Variants in CSMD3 observed in about 807,000 individuals in gnomAD.
CSMD3 encodes the protein CUB and sushi domain-containing protein 3.
Under a neutral mutation model 435.2 loss-of-function variants are expected in CSMD3, and 177 were observed. The observed-to-expected ratio is 0.41, with a 90% CI of 0.36 to 0.46. CSMD3 has a LOEUF of 0.46. Ranked by LOEUF, CSMD3 falls within the 20% of genes least tolerant of loss-of-function variation. CSMD3 has a pLI of 0.34. For missense variants in CSMD3, 4,265 were observed against 4,504.6 expected, an observed-to-expected ratio of 0.95 and a Z score of 1.52; for synonymous variants, 1,656 against 1,520.5, an observed-to-expected ratio of 1.09 and a Z score of -2.07.
At chr8:113,341,569 T>C (rs552881401) in intron 1 of CSMD3, among the ~76,000 whole-genome samples, 5 of 152,194 alleles carry the variant, frequency 3.3e-5, no homozygotes, top group South Asian at 2.1e-4. Flanking sequence ...CATAAACAAG[T>C]AGTTTATAAA....
In CSMD3 at chr8:112,260,183, C is replaced by T. The variant is rs571125081; in HGVS notation, c.9862+3456G>A. 1.2e-4 allele frequency among the ~76,000 whole-genome samples: 19 copies of T among 152,112 alleles called. 1 individual carries two copies. In the South Asian group the frequency reaches 3.9e-3, roughly 32 times the overall value. On this transcript the variant is annotated intron_variant, in intron 61 of 70. Coordinates refer to ENST00000297405, the MANE Select transcript of CSMD3 (RefSeq NM_198123.2). ...AAAAAGCATTCCTCTTTATAAAGTC[C>T]CTAACATTAATGGATTTGCATACCC... is the stretch of plus-strand genomic sequence containing the variant.
At chr8:112,687,514 T>C (rs1368293578) in intron 14 of CSMD3, among the ~76,000 whole-genome samples, 1 of 152,214 alleles carries the variant, frequency 6.6e-6, no homozygotes, top group Non-Finnish European at 1.5e-5. Flanking sequence ...TCATATGTTT[T>C]ATTAACATTC....
In CSMD3 at chr8:112,305,022, A is replaced by G. The variant is rs1232819775; in HGVS notation, c.8072-107T>C. 10 of 802,610 alleles carry G rather than the reference A, an allele frequency of 1.2e-5. No homozygotes were observed. In the East Asian group the frequency reaches 2.1e-4, roughly 17 times the overall value. 49.7% of individuals were successfully genotyped at this position (802,610 alleles called of 1,614,324 possible). On this transcript the variant is annotated intron_variant, in intron 51 of 70. Transcript: ENST00000297405. ...TAATTCACTTACTCTTGCACTATACAAGGTCCTTTAGCATTTGTTCTTTAT... is the reference window on the plus strand; with the variant it reads ...TAATTCACTTACTCTTGCACTATACGAGGTCCTTTAGCATTTGTTCTTTAT...
chr8:112,843,422 C>A (rs1455838269), intron 11 of CSMD3, among the ~76,000 whole-genome samples: 2 of 151,786 alleles, frequency 1.3e-5, no homozygotes, highest in African/African-American at 4.8e-5. Flanking sequence ...AGGCAGAATA[C>A]CTAATTAAAG....
At chr8:112,292,792 C>T (rs927040541) in intron 54 of CSMD3, 82 bp from the exon 55 acceptor site, 1 of 1,200,718 alleles carries the variant, frequency 8.3e-7, no homozygotes, top group Non-Finnish European at 1.2e-6. Context: ...ATTGATTATA[C>T]TTAATCATTT....
intron 3 of CSMD3, among the ~76,000 whole-genome samples, chr8:113,254,757 A>G (rs937320619): frequency 2.0e-5 from 3 of 152,190 alleles, no homozygotes; most frequent in African/African-American, 7.2e-5. Flanking sequence ...ATAAAAATAA[A>G]AATTGTTGGA....
intron 4 of CSMD3, among the ~76,000 whole-genome samples, chr8:113,128,114 T>A (rs939641243): frequency 4.6e-5 from 7 of 152,152 alleles, no homozygotes; most frequent in African/African-American, 1.7e-4. Context: ...GTTTCTTTCA[T>A]GACCCATACA....
chr8:112,338,433 A>T (rs76166233), intron 42 of CSMD3, among the ~76,000 whole-genome samples: 272 of 152,318 alleles, frequency 1.8e-3, no homozygotes, highest in Middle Eastern at 6.8e-3. Flanking sequence ...TGTTAAATAA[A>T]CATTACTAAA....
intron 50 of CSMD3, among the ~76,000 whole-genome samples, chr8:112,309,780 G>T (rs916998797): frequency 1.3e-5 from 2 of 151,974 alleles, no homozygotes; most frequent in Non-Finnish European, 2.9e-5. Context: ...ATCCTTTTAT[G>T]AATTATAAAT....
chr8:113,343,555 G>T (rs1275856066), intron 1 of CSMD3, among the ~76,000 whole-genome samples: 1 of 152,060 alleles, frequency 6.6e-6, no homozygotes, highest in East Asian at 1.9e-4. Context: ...AAATACAGAA[G>T]AACTATCGTA....
chr8:112,834,925 A>G (rs1202941393), intron 11 of CSMD3, among the ~76,000 whole-genome samples: 1 of 151,872 alleles, frequency 6.6e-6, no homozygotes, highest in Non-Finnish European at 1.5e-5. Context: ...TGAAAGAAAA[A>G]CTGGAATAAT....
intron 11 of CSMD3, among the ~76,000 whole-genome samples, chr8:112,839,584 AAGTT>A (rs2080123193): frequency 1.3e-5 from 2 of 151,752 alleles, no homozygotes; most frequent in South Asian, 4.1e-4. Context: ...AAATTTGTAT[AAGTT>A]AGGTCGTATA....
At chr8:112,234,288 A>G in intron 68 of CSMD3, 77 bp downstream of exon 68, 1 of 889,870 alleles carries the variant, frequency 1.1e-6, no homozygotes, top group Middle Eastern at 2.2e-4. Flanking sequence ...AGCTAAATTT[A>G]GAAAACTCTC....
chr8:112,447,556 G>T (rs1481591876), intron 32 of CSMD3, among the ~76,000 whole-genome samples: 1 of 152,094 alleles, frequency 6.6e-6, no homozygotes, highest in Non-Finnish European at 1.5e-5. Flanking sequence ...GAAGTATATA[G>T]ATTCTTTGGC....
At chr8:112,356,611 C>T (rs1486619823) in intron 38 of CSMD3, among the ~76,000 whole-genome samples, 2 of 151,396 alleles carry the variant, frequency 1.3e-5, no homozygotes, top group African/African-American at 4.8e-5. Flanking sequence ...CCTCCCACAA[C>T]ACGTGGGAAT....
intron 3 of CSMD3, among the ~76,000 whole-genome samples, chr8:113,199,606 A>G (rs910777764): frequency 1.3e-5 from 2 of 151,772 alleles, no homozygotes; most frequent in Admixed American, 1.3e-4. Context: ...ATAGGTTGAA[A>G]GGGCATTTTT....
intron 30 of CSMD3, among the ~76,000 whole-genome samples, chr8:112,501,067 C>G (rs1821898168): frequency 6.6e-6 from 1 of 151,998 alleles, no homozygotes; most frequent in South Asian, 2.1e-4. Flanking sequence ...TTGGATGCCC[C>G]TCTCTTACGA....
intron 1 of CSMD3, among the ~76,000 whole-genome samples, chr8:113,334,334 T>C (rs1024411966): frequency 1.3e-5 from 2 of 151,258 alleles, no homozygotes; most frequent in African/African-American, 4.8e-5. Context: ...TTTCCTTGTA[T>C]TGGGATGATA....
chr8:112,779,161 ATGTG>A (rs112419092), intron 13 of CSMD3, among the ~76,000 whole-genome samples: 3,857 of 143,996 alleles, frequency 0.027, 77 homozygotes, highest in East Asian at 0.078. Flanking sequence ...TTTTGCAAAG[ATGTG>A]TGTGTGTGTG....
Sources: gnomAD v4.1 joint callset for allele counts (sites outside exome capture counted in the v4.1 genomes callset) on GRCh38, gnomAD v4.1.1 for gene constraint, MANE v1.5 for transcripts, NCBI Gene and HGNC (gene_info 2026-07-23, HGNC 2026-07-21) for gene names.